TRIM44: variants seen among roughly 807,000 people sequenced by gnomAD.
The protein encoded by TRIM44 is tripartite motif containing 44, also known as tripartite motif-containing protein 44.
Under a neutral mutation model 37.4 loss-of-function variants are expected in TRIM44, and 13 were observed. The ratio of observed to expected loss-of-function variants is 0.35; its 90% CI spans 0.23 to 0.55. TRIM44 has a LOEUF of 0.55. Among genes scored for constraint, TRIM44 ranks in the 20% least tolerant of loss-of-function variants. TRIM44 has a pLI of 0.89. For missense variants in TRIM44, 426 were observed against 437.2 expected, an observed-to-expected ratio of 0.97 and a Z score of 0.23; for synonymous variants, 175 against 157.2, an observed-to-expected ratio of 1.11 and a Z score of -0.85.
chr11:35,792,519 A>G (rs1024026597), intron 4 of TRIM44, among the ~76,000 whole-genome samples: 16 of 152,228 alleles, frequency 1.1e-4, no homozygotes, highest in African/African-American at 3.9e-4. Context: ...GCTCGTAGAG[A>G]AAGGTATGCT....
rs887192568 is a variant in TRIM44, at chr11:35,666,831, GT to G, written c.669+3058del. Among the ~76,000 whole-genome samples, 32 of 136,192 alleles carry G rather than the reference GT, an allele frequency of 2.3e-4. No homozygotes were observed. The East Asian group carries it at 4.1e-3, about 17-fold the overall frequency. The allele number at this position is 136,192 out of a possible 152,430, so 89.3% of individuals were successfully genotyped here. On this transcript the variant is annotated intron_variant, in intron 1 of 4. Coordinates refer to ENST00000299413, the MANE Select transcript of TRIM44 (RefSeq NM_017583.6). The stretch of plus-strand genomic sequence containing the variant: ...GGAATATGATTAACTTTTATATATT[GT>G]TTTTTTGTGATCTATCTGCTGAATT...
chr11:35,694,226 G>A (rs1312868336), intron 2 of TRIM44, among the ~76,000 whole-genome samples: 3 of 152,192 alleles, frequency 2.0e-5, no homozygotes, highest in Admixed American at 2.0e-4. Flanking sequence ...CCGCTATAGA[G>A]CCGATTACGT....
chr11:35,696,345 T>C (rs1279459707), intron 2 of TRIM44, among the ~76,000 whole-genome samples: 4 of 151,146 alleles, frequency 2.6e-5, no homozygotes, highest in Admixed American at 1.3e-4. Flanking sequence ...GGTTTCACCA[T>C]GTTAGCCAGG....
intron 4 of TRIM44, among the ~76,000 whole-genome samples, chr11:35,758,322 C>G (rs1440410985): frequency 1.3e-5 from 2 of 152,026 alleles, no homozygotes; most frequent in Non-Finnish European, 2.9e-5. Context: ...GGATTGCAAC[C>G]CCTGCCTTTT....
intron 4 of TRIM44, among the ~76,000 whole-genome samples, chr11:35,803,894 A>G (rs1853403856): frequency 6.6e-6 from 1 of 151,962 alleles, no homozygotes; most frequent in Admixed American, 6.6e-5. Flanking sequence ...TCTGTGTTAT[A>G]GATTCAGTTA....
chr11:35,716,693 G>A (rs551116148), intron 2 of TRIM44, among the ~76,000 whole-genome samples: 2 of 152,282 alleles, frequency 1.3e-5, no homozygotes, highest in Non-Finnish European at 2.9e-5. Context: ...TCCAGAGTTT[G>A]GAGCCTGATA....
intron 2 of TRIM44, among the ~76,000 whole-genome samples, chr11:35,687,300 C>T (rs1164599262): frequency 3.9e-5 from 6 of 152,140 alleles, no homozygotes; most frequent in Non-Finnish European, 5.9e-5. Context: ...ATGAAAATAT[C>T]GGGGACATTG....
chr11:35,733,755 C>T (rs563565365), intron 3 of TRIM44, among the ~76,000 whole-genome samples: 2 of 152,236 alleles, frequency 1.3e-5, no homozygotes, highest in African/African-American at 4.8e-5. Flanking sequence ...ACGCTCAACC[C>T]CACATTGCCC....
chr11:35,765,472 T>C (rs2133862650), intron 4 of TRIM44, among the ~76,000 whole-genome samples: 1 of 152,314 alleles, frequency 6.6e-6, no homozygotes, highest in Admixed American at 6.5e-5. Context: ...TGAAAAGAAC[T>C]GTACAACAGT....
Position 35,686,362 on chromosome 11 carries a change from G to GTTTT in TRIM44, c.747+1028_747+1031dup, listed in dbSNP as rs201740615. On this transcript the variant is annotated intron_variant, in intron 2 of 4. Transcript: ENST00000299413. ...TTTTATTTTACTGTAGGTTCTTTTT[G>GTTTT]TTTTTGTTTTTGTTTTTTTTTTTTT... is the stretch of plus-strand genomic sequence containing the variant. Among the ~76,000 whole-genome samples, 125 of 143,712 alleles carry GTTTT rather than the reference G, an allele frequency of 8.7e-4. 2 individuals are homozygous for GTTTT. The highest frequency in any genetic ancestry group is 3.6e-3 in the Middle Eastern group (1 of 278). The allele number at this position is 143,712 out of a possible 152,430, so 94.3% of individuals were successfully genotyped here.
At chr11:35,730,714 T>A (rs146732690) in intron 3 of TRIM44, among the ~76,000 whole-genome samples, 1 of 152,316 alleles carries the variant, frequency 6.6e-6, no homozygotes, top group East Asian at 1.9e-4. Flanking sequence ...TTAAAGGTAT[T>A]AATGGCTTTT....
chr11:35,699,396 TCAA>T (rs1004069165), intron 2 of TRIM44, among the ~76,000 whole-genome samples: 2 of 152,136 alleles, frequency 1.3e-5, no homozygotes, highest in Non-Finnish European at 2.9e-5. Flanking sequence ...TTGACAAAAT[TCAA>T]CAACCCTTCA....
intron 4 of TRIM44, among the ~76,000 whole-genome samples, chr11:35,762,199 T>A (rs1207086885): frequency 1.3e-5 from 2 of 152,204 alleles, no homozygotes; most frequent in East Asian, 3.9e-4. Context: ...ATAAATAGAC[T>A]TTTTGTGCTA....
chr11:35,702,683 C>T (rs1851807210), intron 2 of TRIM44, among the ~76,000 whole-genome samples: 1 of 152,196 alleles, frequency 6.6e-6, no homozygotes, highest in Non-Finnish European at 1.5e-5. Flanking sequence ...GTGTGTATTT[C>T]ATTCACAGTT....
Position 35,696,880 on chromosome 11 carries a change from TTAAA to T in TRIM44, c.747+11549_747+11552del, listed in dbSNP as rs1851707370. On this transcript the variant is annotated intron_variant, in intron 2 of 4. Transcript: ENST00000299413. ...AAACAACAATTAATTAATTAATTAA[TTAAA>T]TAAAAGGCAAACAAAAATGTTTCAT... Among the ~76,000 whole-genome samples the T allele has an allele frequency of 2.0e-5, 3 of 152,050 alleles. No individual in the cohort carries two copies. The East Asian group carries it at 5.8e-4, about 29-fold the overall frequency.
At chr11:35,705,333 G>A (rs1216149804) in intron 2 of TRIM44, among the ~76,000 whole-genome samples, 1 of 152,010 alleles carries the variant, frequency 6.6e-6, no homozygotes, top group African/African-American at 2.4e-5. Flanking sequence ...ACACCCCACT[G>A]TCAACATTAG....
At chr11:35,710,367 T>A (rs1255621002) in intron 2 of TRIM44, among the ~76,000 whole-genome samples, 2 of 152,232 alleles carry the variant, frequency 1.3e-5, no homozygotes, top group Non-Finnish European at 2.9e-5. Flanking sequence ...AAAACTGGGA[T>A]TCTGAACAAT....
At chr11:35,732,114 T>C (rs1852268647) in intron 3 of TRIM44, among the ~76,000 whole-genome samples, 1 of 152,250 alleles carries the variant, frequency 6.6e-6, no homozygotes, top group Admixed American at 6.5e-5. Context: ...AATTCATCTT[T>C]ATTAAATTCT....
chr11:35,717,973 A>C (rs1852058199), intron 2 of TRIM44, among the ~76,000 whole-genome samples: 1 of 152,202 alleles, frequency 6.6e-6, no homozygotes. Context: ...TGCCAAAACA[A>C]GAGTGGAGAT....
Sources: gnomAD v4.1 joint callset for allele counts (sites outside exome capture counted in the v4.1 genomes callset) on GRCh38, gnomAD v4.1.1 for gene constraint, MANE v1.5 for transcripts, NCBI Gene and HGNC (gene_info 2026-07-23, HGNC 2026-07-21) for gene names.